The following ROBO1 variants were observed in gnomAD, a reference collection of about 807,000 sequenced individuals.
ROBO1 encodes roundabout homolog 1.
In ROBO1, 149 loss-of-function variants were observed where a neutral mutation model predicts 195.9. The ratio of observed to expected loss-of-function variants is 0.76; its 90% CI spans 0.67 to 0.87. The LOEUF is 0.87. Among genes scored for constraint, ROBO1 ranks in the 40% least tolerant of loss-of-function variants. The pLI, the probability that ROBO1 is intolerant of heterozygous loss-of-function variation, is 0.00. For synonymous variants in ROBO1, 816 were observed against 733.2 expected (o/e 1.11, Z -1.82); for missense variants, 1,933 against 2,068.3 (o/e 0.93, Z 1.27).
intron 2 of ROBO1, among the ~76,000 whole-genome samples, chr3:79,391,121 C>T (rs62259742): frequency 7.5e-6 from 1 of 133,512 alleles, no homozygotes; most frequent in African/African-American, 3.2e-5. Context: ...CCTGTCTCTA[C>T]CAAAAAAAAA....
chr3:78,799,403 A>G (rs994474466), intron 4 of ROBO1, among the ~76,000 whole-genome samples: 5 of 150,848 alleles, frequency 3.3e-5, no homozygotes, highest in South Asian at 4.2e-4. Context: ...GTGCAGTGGC[A>G]CAATCTCGGC....
intron 8 of ROBO1, among the ~76,000 whole-genome samples, chr3:78,690,758 G>A (rs2081154921): frequency 6.6e-6 from 1 of 152,090 alleles, no homozygotes; most frequent in South Asian, 2.1e-4. Flanking sequence ...TTTCCAATAT[G>A]CAGGGAATTT....
intron 3 of ROBO1, among the ~76,000 whole-genome samples, chr3:78,944,583 G>A (rs1177276766): frequency 6.6e-6 from 1 of 152,236 alleles, no homozygotes. Flanking sequence ...CTCCCAGGGG[G>A]AGCAACGCAG....
At chr3:79,076,611 C>T (rs1397426838) in intron 3 of ROBO1, among the ~76,000 whole-genome samples, 1 of 151,628 alleles carries the variant, frequency 6.6e-6, no homozygotes, top group East Asian at 1.9e-4. Context: ...AGAAGTACTA[C>T]ATTGTAACAC....
At position 79,670,405 on chromosome 3, in the gene ROBO1, C is replaced by A. The variant is rs1016632546; in HGVS notation, c.-50-80444G>T. 8.3e-5 allele frequency among the ~76,000 whole-genome samples: 11 copies of A among 133,256 alleles called. 1 individual carries two copies. The highest frequency in any genetic ancestry group is 7.3e-3 in the Middle Eastern group (2 of 274). 87.4% of individuals were successfully genotyped at this position (133,256 alleles called of 152,430 possible). ...CAGCATCTTAAGCAAAAAATTCTAT[C>A]TACACAGCAAATAATATCTCAAACT... On this transcript the variant is annotated intron_variant, in intron 1 of 30. Coordinates refer to ENST00000464233, the MANE Select transcript of ROBO1 (RefSeq NM_002941.4).
chr3:79,076,904 T>C (rs2079183587), intron 3 of ROBO1, among the ~76,000 whole-genome samples: 1 of 151,912 alleles, frequency 6.6e-6, no homozygotes, highest in Non-Finnish European at 1.5e-5. Flanking sequence ...AACTTAGTCA[T>C]ATTTCACTTA....
At position 78,719,787 on chromosome 3, in the gene ROBO1, C is replaced by A. The variant is rs534758917; in HGVS notation, c.658-1904G>T. On this transcript the variant is annotated intron_variant, in intron 5 of 30. Coordinates refer to ENST00000464233, the MANE Select transcript of ROBO1 (RefSeq NM_002941.4). ...TGCTAGGTAATTTAGAAATCTCATT[C>A]TTCCCGCTTATGAACAGCACTGAAA... Among the ~76,000 whole-genome samples, 128 of 152,224 alleles carry A rather than the reference C, an allele frequency of 8.4e-4. 3 individuals are homozygous for A. The South Asian group carries it at 0.026, about 31-fold the overall frequency.
chr3:78,707,237 C>T (rs567773547), intron 8 of ROBO1, among the ~76,000 whole-genome samples: 26 of 152,122 alleles, frequency 1.7e-4, no homozygotes, highest in African/African-American at 5.8e-4. Flanking sequence ...AGGAAGCATC[C>T]CATTAGTAGC....
Position 79,478,236 on chromosome 3 carries a change from G to A in ROBO1, c.88+111588C>T, listed in dbSNP as rs1938643919. 2.0e-5 allele frequency among the ~76,000 whole-genome samples: 3 copies of A among 152,092 alleles called. No homozygotes were observed. In the South Asian group the frequency reaches 6.2e-4, roughly 32 times the overall value. On this transcript the variant is annotated intron_variant, in intron 2 of 30. Coordinates refer to ENST00000464233, the MANE Select transcript of ROBO1 (RefSeq NM_002941.4). Reference sequence around the variant, plus strand: ...GATTAGGAAAGGTGAGTTGCCAAACGATCGTCTTGGAGTATTAGAGAAATG... The same window carrying A: ...GATTAGGAAAGGTGAGTTGCCAAACAATCGTCTTGGAGTATTAGAGAAATG...
intron 2 of ROBO1, among the ~76,000 whole-genome samples, chr3:79,201,784 C>T (rs2081769463): frequency 6.6e-6 from 1 of 151,748 alleles, no homozygotes; most frequent in African/African-American, 2.4e-5. Flanking sequence ...GTACAAACTA[C>T]AGCACTTAGC....
intron 2 of ROBO1, among the ~76,000 whole-genome samples, chr3:79,508,698 TC>T (rs1392661860): frequency 2.0e-5 from 3 of 152,336 alleles, no homozygotes; most frequent in African/African-American, 7.2e-5. Context: ...GCATCCGTTT[TC>T]TAATTATCTC....
At chr3:79,396,250 G>A (rs1327717851) in intron 2 of ROBO1, among the ~76,000 whole-genome samples, 3 of 152,008 alleles carry the variant, frequency 2.0e-5, no homozygotes, top group Non-Finnish European at 4.4e-5. Flanking sequence ...CAAGACACTT[G>A]TGTTACACAT....
intron 3 of ROBO1, among the ~76,000 whole-genome samples, chr3:78,980,571 T>C (rs751149110): frequency 1.3e-5 from 2 of 152,218 alleles, no homozygotes; most frequent in African/African-American, 2.4e-5. Flanking sequence ...ACATGTAAAA[T>C]TGCTGTTTCT....
At chr3:79,416,871 A>G (rs914086372) in intron 2 of ROBO1, among the ~76,000 whole-genome samples, 1 of 152,106 alleles carries the variant, frequency 6.6e-6, no homozygotes, top group African/African-American at 2.4e-5. Flanking sequence ...TTCCTATGGC[A>G]CTCTGCAAGT....
chr3:78,622,424 T>G (rs1032126361), intron 26 of ROBO1, among the ~76,000 whole-genome samples: 3 of 152,194 alleles, frequency 2.0e-5, no homozygotes, highest in African/African-American at 7.2e-5. Flanking sequence ...CTGCTAGATT[T>G]ATACCAAAAA....
intron 3 of ROBO1, among the ~76,000 whole-genome samples, chr3:79,119,709 G>A (rs189073281): frequency 1.4e-4 from 21 of 151,612 alleles, no homozygotes; most frequent in African/African-American, 5.1e-4. Context: ...AATCCATAAG[G>A]TTATAAAGAG....
chr3:79,228,277 T>C lies in ROBO1; in HGVS notation c.89-102738A>G, dbSNP rs189408940. On this transcript the variant is annotated intron_variant, in intron 2 of 30. Coordinates refer to ENST00000464233, the MANE Select transcript of ROBO1 (RefSeq NM_002941.4). ...GCTGCAAAATTGGATAATTTTTGCA[T>C]GTAGTTATAGTTTTTCTACCTAGTG... Among the ~76,000 whole-genome samples the C allele has an allele frequency of 6.4e-3, 980 of 152,304 alleles. 10 individuals carry two copies. The highest frequency in any genetic ancestry group is 0.022 in the African/African-American group (931 of 41,570).
At chr3:79,557,730 T>TAAAAAAAAAAA (rs368317896) in intron 2 of ROBO1, among the ~76,000 whole-genome samples, 6 of 110,552 alleles carry the variant, frequency 5.4e-5, no homozygotes, top group African/African-American at 2.6e-4. Flanking sequence ...GAGACTGTCT[T>TAAAAAAAAAAA]AAAACAAAAA....
At chr3:78,620,593 A>T (rs1277023854) in intron 26 of ROBO1, among the ~76,000 whole-genome samples, 1 of 152,236 alleles carries the variant, frequency 6.6e-6, no homozygotes, top group East Asian at 1.9e-4. Context: ...GAAATGGAAA[A>T]CATTAAAAAT....
Sources: allele counts gnomAD v4.1 joint callset (sites outside exome capture counted in the v4.1 genomes callset), GRCh38; gene constraint gnomAD v4.1.1; transcripts MANE v1.5; gene names NCBI Gene and HGNC (gene_info 2026-07-23, HGNC 2026-07-21).